RALGPS1: variants seen among roughly 807,000 people sequenced by gnomAD.
RALGPS1 encodes Ral GEF with PH domain and SH3 binding motif 1.
RALGPS1 carries 19 observed loss-of-function variants against 78.8 expected under a neutral mutation model. The ratio of observed to expected loss-of-function variants is 0.24; its 90% CI spans 0.17 to 0.35. RALGPS1 has a LOEUF of 0.35. Ranked by LOEUF, RALGPS1 falls within the 10% of genes least tolerant of loss-of-function variation. The pLI is 1.00. For synonymous variants in RALGPS1, 228 were observed against 256.3 expected, an observed-to-expected ratio of 0.89 and a Z score of 1.06; for missense variants, 454 against 688.3, an observed-to-expected ratio of 0.66 and a Z score of 3.81.
At chr9:126,968,248 G>A (rs1038819480) in intron 3 of RALGPS1, among the ~76,000 whole-genome samples, 5 of 151,970 alleles carry the variant, frequency 3.3e-5, no homozygotes, top group Admixed American at 1.3e-4. Context: ...TGATCTGCTC[G>A]CCTCGGCCTC....
At chr9:127,173,841 C>T (rs1391936585) in intron 10 of RALGPS1, among the ~76,000 whole-genome samples, 1 of 152,108 alleles carries the variant, frequency 6.6e-6, no homozygotes, top group Non-Finnish European at 1.5e-5. Flanking sequence ...GGTGAAACCC[C>T]ACCTCTACTA....
chr9:127,186,651 G>A (rs1027741203), intron 11 of RALGPS1, among the ~76,000 whole-genome samples: 2 of 152,216 alleles, frequency 1.3e-5, no homozygotes, highest in Admixed American at 1.3e-4. Context: ...TTCTGCTTCC[G>A]CGTCAGACCC....
intron 8 of RALGPS1, chr9:127,088,741 A>T (rs2052073033): frequency 3.2e-6 from 2 of 630,626 alleles, no homozygotes; most frequent in Non-Finnish European, 5.6e-6. Context: ...TCTGGTGTGA[A>T]GGAAAGTAGG....
intron 1 of RALGPS1, among the ~76,000 whole-genome samples, chr9:126,952,276 T>A (rs2037895296): frequency 6.6e-6 from 1 of 152,184 alleles, no homozygotes; most frequent in African/African-American, 2.4e-5. Context: ...CCTCCTCAGC[T>A]CACTATCTCT....
intron 4 of RALGPS1, among the ~76,000 whole-genome samples, chr9:126,982,747 CCTT>C (rs1386472544): frequency 6.6e-6 from 1 of 151,714 alleles, no homozygotes; most frequent in African/African-American, 2.4e-5. Context: ...CCCTTCCTCT[CCTT>C]CTTATTCTTT....
chr9:126,928,947 C>G (rs553673939), intron 1 of RALGPS1, among the ~76,000 whole-genome samples: 1 of 152,132 alleles, frequency 6.6e-6, no homozygotes, highest in Non-Finnish European at 1.5e-5. Context: ...GTTACCTAAC[C>G]TCTTTGGGCC....
rs1419502871 is a variant in RALGPS1 at position 127,094,846 on chromosome 9, G to A, written c.610+25490G>A. 3.9e-5 allele frequency among the ~76,000 whole-genome samples: 6 copies of A among 152,352 alleles called. No homozygotes were observed. The South Asian group carries it at 1.0e-3, about 26-fold the overall frequency. The stretch of plus-strand genomic sequence containing the variant: ...GACTGCACTGAGCTTGGGCAGCCCA[G>A]TCAGAAGGAATGGGTGTTATACCAC... On this transcript the variant is annotated intron_variant, in intron 8 of 18. Coordinates refer to ENST00000259351, the MANE Select transcript of RALGPS1 (RefSeq NM_014636.3).
intron 11 of RALGPS1, among the ~76,000 whole-genome samples, chr9:127,175,677 C>CTTTTTTTTTTTTTTTTTTTTTTTT (rs11354346): frequency 9.2e-6 from 1 of 108,982 alleles, no homozygotes. Context: ...TTTGGGCCTC[C>CTTTTTTTTTTTTTTTTTTTTTTTT]TTTTTTTTTT....
At chr9:127,141,796 T>C (rs555413033) in intron 8 of RALGPS1, among the ~76,000 whole-genome samples, 1 of 152,278 alleles carries the variant, frequency 6.6e-6, no homozygotes, top group South Asian at 2.1e-4. Flanking sequence ...TTTTTTTAAG[T>C]ATTTTTCATT....
chr9:126,959,373 T>C (rs1483260650), intron 1 of RALGPS1, among the ~76,000 whole-genome samples: 1 of 152,176 alleles, frequency 6.6e-6, no homozygotes, highest in East Asian at 1.9e-4. Context: ...ATATATCTTC[T>C]TTTGTGAAAT....
At chr9:127,178,602 C>T (rs1357530264) in intron 11 of RALGPS1, 3 of 534,578 alleles carry the variant, frequency 5.6e-6, no homozygotes, top group Non-Finnish European at 7.2e-6. Context: ...TCCCCACTAT[C>T]ACCCCCACCC....
intron 8 of RALGPS1, among the ~76,000 whole-genome samples, chr9:127,095,886 C>T (rs973754229): frequency 6.6e-6 from 1 of 152,222 alleles, no homozygotes. Context: ...TAGAACCTGA[C>T]GGGAAGGCAG....
intron 4 of RALGPS1, among the ~76,000 whole-genome samples, chr9:127,005,545 G>C (rs1184714795): frequency 6.6e-6 from 1 of 152,180 alleles, no homozygotes; most frequent in Non-Finnish European, 1.5e-5. Context: ...TCAGAGCCAG[G>C]CCTTGAGTCA....
chr9:127,146,323 A>G (rs904333023), intron 8 of RALGPS1, among the ~76,000 whole-genome samples: 4 of 151,922 alleles, frequency 2.6e-5, no homozygotes, highest in Non-Finnish European at 4.4e-5. Context: ...AACATGCGGT[A>G]TTTGCTTTTC....
intron 8 of RALGPS1, among the ~76,000 whole-genome samples, chr9:127,083,605 A>T (rs1402460111): frequency 2.6e-5 from 4 of 152,144 alleles, no homozygotes; most frequent in African/African-American, 9.7e-5. Context: ...ACTTGGGGAG[A>T]TACCTCGTGT....
intron 1 of RALGPS1, among the ~76,000 whole-genome samples, chr9:126,931,320 G>A (rs1202148865): frequency 6.6e-6 from 1 of 152,158 alleles, no homozygotes; most frequent in East Asian, 1.9e-4. Context: ...CTGCTAGCGG[G>A]CAGCCTCATA....
chr9:126,998,324 AAAAC>A (rs1406109138), intron 4 of RALGPS1, among the ~76,000 whole-genome samples: 81 of 152,356 alleles, frequency 5.3e-4, no homozygotes, highest in African/African-American at 1.3e-3. Flanking sequence ...TTACAAGAAA[AAAAC>A]AAACAACCCC....
At position 127,171,205 on chromosome 9, in the gene RALGPS1, G is replaced by A. The variant is rs115394559; in HGVS notation, c.842+2433G>A. Among the ~76,000 whole-genome samples the A allele has an allele frequency of 5.4e-3, 816 of 152,222 alleles. 12 individuals are homozygous for A. The highest frequency in any genetic ancestry group is 0.019 in the African/African-American group (784 of 41,510). ...GAAAGCATGACCATTAGCATTAAGTGAACATACTTTTGGACATTTTTCTAT... is the reference window on the plus strand; with the variant it reads ...GAAAGCATGACCATTAGCATTAAGTAAACATACTTTTGGACATTTTTCTAT... On this transcript the variant is annotated intron_variant, in intron 10 of 18. Coordinates refer to ENST00000259351, the MANE Select transcript of RALGPS1 (RefSeq NM_014636.3).
intron 1 of RALGPS1, among the ~76,000 whole-genome samples, chr9:126,947,702 G>A (rs1280087984): frequency 6.6e-6 from 1 of 152,162 alleles, no homozygotes; most frequent in East Asian, 1.9e-4. Flanking sequence ...CTCTGTAGCT[G>A]CCTTGTTTTG....
Sources: gnomAD v4.1 joint callset for allele counts (sites outside exome capture counted in the v4.1 genomes callset) on GRCh38, gnomAD v4.1.1 for gene constraint, MANE v1.5 for transcripts, NCBI Gene and HGNC (gene_info 2026-07-23, HGNC 2026-07-21) for gene names.